The following NPAS3 variants were observed in gnomAD, a reference collection of about 807,000 sequenced individuals.
NPAS3 encodes the protein neuronal PAS domain protein 3.
A neutral mutation model predicts 73.1 loss-of-function variants in NPAS3; 14 were observed. That is an observed-to-expected ratio of 0.19 (90% CI 0.13 to 0.30). The LOEUF (loss-of-function observed/expected upper bound fraction) is 0.30, where lower values mean the gene tolerates loss of function less well. Among genes scored for constraint, NPAS3 ranks in the 10% least tolerant of loss-of-function variants. NPAS3 has a pLI of 1.00. For synonymous variants in NPAS3, 620 were observed against 541.5 expected (o/e 1.14, Z -2.01); for missense variants, 1,096 against 1,250.0 (o/e 0.88, Z 1.86).
At chr14:33,079,466 A>C (rs2041788590) in intron 2 of NPAS3, among the ~76,000 whole-genome samples, 2 of 150,116 alleles carry the variant, frequency 1.3e-5, no homozygotes, top group Non-Finnish European at 3.0e-5. Context: ...TCACAGGTGC[A>C]CGCCAGCACG....
intron 3 of NPAS3, among the ~76,000 whole-genome samples, chr14:33,222,637 G>A (rs577629387): frequency 1.3e-5 from 2 of 152,224 alleles, no homozygotes; most frequent in Admixed American, 6.5e-5. Context: ...GCTTATTGAG[G>A]CAATAGCCTG....
intron 2 of NPAS3, among the ~76,000 whole-genome samples, chr14:33,187,078 C>G (rs1294084170): frequency 6.6e-6 from 1 of 152,224 alleles, no homozygotes; most frequent in East Asian, 1.9e-4. Context: ...ACCCTTTGAA[C>G]TGGTCTTCCT....
At chr14:33,286,751 T>A (rs1166502769) in intron 3 of NPAS3, among the ~76,000 whole-genome samples, 1 of 152,194 alleles carries the variant, frequency 6.6e-6, no homozygotes, top group Non-Finnish European at 1.5e-5. Flanking sequence ...TATAGCCTTC[T>A]CCACTATAGT....
chr14:33,797,035 T>C (rs1193456706), intron 10 of NPAS3, among the ~76,000 whole-genome samples: 1 of 152,076 alleles, frequency 6.6e-6, no homozygotes, highest in Admixed American at 6.5e-5. Context: ...AGAAGCTACA[T>C]CAAGGGCCCA....
chr14:33,025,943 T>C (rs769962555), intron 1 of NPAS3, among the ~76,000 whole-genome samples: 1 of 152,180 alleles, frequency 6.6e-6, no homozygotes, highest in Non-Finnish European at 1.5e-5. Flanking sequence ...AGTTGCCAAG[T>C]AGGTTCCATA....
At chr14:33,223,820 G>GGTC in intron 3 of NPAS3, among the ~76,000 whole-genome samples, 1 of 146,290 alleles carries the variant, frequency 6.8e-6, no homozygotes, top group South Asian at 2.2e-4. Context: ...CCTTCTATGT[G>GGTC]TTCAAAAATG....
intron 6 of NPAS3, among the ~76,000 whole-genome samples, chr14:33,684,260 A>G (rs1395187499): frequency 6.6e-6 from 1 of 151,822 alleles, no homozygotes; most frequent in East Asian, 1.9e-4. Context: ...CTTACTTAGA[A>G]CTAAAATAAT....
chr14:33,480,551 T>TCCTC lies in NPAS3; in HGVS notation c.469-79549_469-79546dup, dbSNP rs1307254736. On this transcript the variant is annotated intron_variant, in intron 4 of 11. Transcript: ENST00000356141. ...CCCCTCCCCGCCCCGCCCCCACCCT[T>TCCTC]CCTCCCTCCCTCCCTCCCTCCCTCT... 1.7e-3 allele frequency among the ~76,000 whole-genome samples: 28 copies of TCCTC among 16,426 alleles called. 3 individuals carry two copies. Among genetic ancestry groups the TCCTC allele is most frequent in the African/African-American group, 9.1e-3 (19 of 2,082 alleles). The allele number at this position is 16,426 out of a possible 152,430, so 10.8% of individuals were successfully genotyped here.
chr14:33,629,480 A>G (rs1471441413), intron 5 of NPAS3, among the ~76,000 whole-genome samples: 1 of 152,082 alleles, frequency 6.6e-6, no homozygotes, highest in Non-Finnish European at 1.5e-5. Context: ...ATCCTTTTCT[A>G]TAGTGTGTGT....
chr14:33,520,987 G>A (rs1374320118), intron 4 of NPAS3, among the ~76,000 whole-genome samples: 1 of 152,110 alleles, frequency 6.6e-6, no homozygotes, highest in Non-Finnish European at 1.5e-5. Context: ...ATTTTTAGAG[G>A]TCATTGTTGT....
intron 3 of NPAS3, among the ~76,000 whole-genome samples, chr14:33,238,440 A>G (rs1213260560): frequency 6.6e-6 from 1 of 152,000 alleles, no homozygotes; most frequent in East Asian, 1.9e-4. Flanking sequence ...TGAATAAACT[A>G]TTGCTGGTTA....
At chr14:33,259,130 T>C (rs1247448719) in intron 3 of NPAS3, among the ~76,000 whole-genome samples, 1 of 152,222 alleles carries the variant, frequency 6.6e-6, no homozygotes, top group African/African-American at 2.4e-5. Flanking sequence ...TGTAGCTCTT[T>C]ATACTTAGGA....
chr14:33,778,076 A>G (rs2062875489), intron 8 of NPAS3, among the ~76,000 whole-genome samples: 1 of 152,212 alleles, frequency 6.6e-6, no homozygotes, highest in South Asian at 2.1e-4. Context: ...AGGTGTCTCT[A>G]ATCATTTGGT....
At chr14:33,231,814 A>G (rs2047862383) in intron 3 of NPAS3, among the ~76,000 whole-genome samples, 1 of 152,200 alleles carries the variant, frequency 6.6e-6, no homozygotes, top group African/African-American at 2.4e-5. Context: ...AAGTAAACTT[A>G]GATGCTTTGT....
chr14:32,967,043 T>G (rs897793231), intron 1 of NPAS3, among the ~76,000 whole-genome samples: 1 of 152,132 alleles, frequency 6.6e-6, no homozygotes, highest in African/African-American at 2.4e-5. Context: ...AGGGCTAATA[T>G]CCAGAAGATA....
chr14:33,224,680 C>G (rs115844318), intron 3 of NPAS3, among the ~76,000 whole-genome samples: 1 of 152,028 alleles, frequency 6.6e-6, no homozygotes, highest in South Asian at 2.1e-4. Context: ...CCGCTACTTA[C>G]GATTGGAATC....
chr14:32,999,879 C>A (rs2038742480), intron 1 of NPAS3, among the ~76,000 whole-genome samples: 1 of 152,154 alleles, frequency 6.6e-6, no homozygotes, highest in African/African-American at 2.4e-5. Flanking sequence ...TGCATAGACT[C>A]TGGAGATATG....
At chr14:32,983,051 A>G (rs971199660) in intron 1 of NPAS3, among the ~76,000 whole-genome samples, 5 of 152,248 alleles carry the variant, frequency 3.3e-5, no homozygotes, top group African/African-American at 9.6e-5. Context: ...AGGTATAATT[A>G]GAGAAGAAAA....
chr14:33,757,826 T>A (rs1178295113), intron 7 of NPAS3, among the ~76,000 whole-genome samples: 1 of 152,190 alleles, frequency 6.6e-6, no homozygotes, highest in Non-Finnish European at 1.5e-5. Context: ...GAGTAACCAG[T>A]TGGACACTAG....
Sources: allele counts gnomAD v4.1 joint callset (sites outside exome capture counted in the v4.1 genomes callset), GRCh38; gene constraint gnomAD v4.1.1; transcripts MANE v1.5; gene names NCBI Gene and HGNC (gene_info 2026-07-23, HGNC 2026-07-21).